Variants in RCAN1 observed in about 807,000 individuals in gnomAD.
The protein encoded by RCAN1 is calcipressin-1.
Under a neutral mutation model 22.9 loss-of-function variants are expected in RCAN1, and 11 were observed. The observed-to-expected ratio is 0.48, with a 90% CI of 0.30 to 0.79. RCAN1 has a LOEUF of 0.79. RCAN1 is among the 30% of genes least tolerant of loss of function. The pLI, the probability that RCAN1 is intolerant of heterozygous loss-of-function variation, is 0.06. For missense variants in RCAN1, 291 were observed against 337.8 expected (o/e 0.86, Z 1.09); for synonymous variants, 136 against 142.3 (o/e 0.96, Z 0.32).
At chr21:34,594,677 T>G (rs1458615609) in intron 1 of RCAN1, among the ~76,000 whole-genome samples, 1 of 152,150 alleles carries the variant, frequency 6.6e-6, no homozygotes, top group Non-Finnish European at 1.5e-5. Flanking sequence ...TAAGGCACAG[T>G]CCAGGTGCTC....
intron 1 of RCAN1, among the ~76,000 whole-genome samples, chr21:34,532,465 G>T (rs1161888869): frequency 6.6e-6 from 1 of 152,230 alleles, no homozygotes; most frequent in Non-Finnish European, 1.5e-5. Flanking sequence ...GACCACCTAT[G>T]TGATGACACC....
At chr21:34,563,770 A>AATAT (rs1199194939) in intron 1 of RCAN1, among the ~76,000 whole-genome samples, 18 of 65,436 alleles carry the variant, frequency 2.8e-4, no homozygotes, top group African/African-American at 4.8e-4. Flanking sequence ...AAAAAAAAAA[A>AATAT]ATATATATAT....
chr21:34,612,278 G>C (rs1328049031), intron 1 of RCAN1, among the ~76,000 whole-genome samples: 3 of 152,106 alleles, frequency 2.0e-5, no homozygotes, highest in Non-Finnish European at 4.4e-5. Context: ...ATGTTTTCTG[G>C]TTGCTTATCC....
chr21:34,548,403 C>G (rs1202944935), intron 1 of RCAN1, among the ~76,000 whole-genome samples: 1 of 152,026 alleles, frequency 6.6e-6, no homozygotes, highest in Non-Finnish European at 1.5e-5. Context: ...AATCAGTTTT[C>G]CTAATAAAAT....
chr21:34,547,585 C>T (rs4817677), intron 1 of RCAN1, among the ~76,000 whole-genome samples: 2,679 of 152,216 alleles, frequency 0.018, 79 homozygotes, highest in African/African-American at 0.062. Flanking sequence ...AACTTAATTG[C>T]CATTTTAACA....
chr21:34,543,366 A>C (rs1986001329), intron 1 of RCAN1, among the ~76,000 whole-genome samples: 1 of 152,180 alleles, frequency 6.6e-6, no homozygotes, highest in Non-Finnish European at 1.5e-5. Context: ...GGATGATGGA[A>C]GCAGAGATTC....
chr21:34,549,373 T>C (rs532201749), intron 1 of RCAN1, among the ~76,000 whole-genome samples: 2 of 152,236 alleles, frequency 1.3e-5, no homozygotes, highest in Non-Finnish European at 2.9e-5. Context: ...ACTTCTTTTA[T>C]AGCAACGTTC....
chr21:34,566,751 C>T (rs75954028), intron 1 of RCAN1, among the ~76,000 whole-genome samples: 2,687 of 152,208 alleles, frequency 0.018, 76 homozygotes, highest in African/African-American at 0.062. Flanking sequence ...CAGCTCTGCT[C>T]GGCTTCTGGT....
chr21:34,581,142 G>C (rs1303733324), intron 1 of RCAN1, among the ~76,000 whole-genome samples: 1 of 151,228 alleles, frequency 6.6e-6, no homozygotes, highest in Non-Finnish European at 1.5e-5. Context: ...AGACTGGAAA[G>C]TCTAAATAAC....
chr21:34,532,884 C>T (rs1386965803), intron 1 of RCAN1, among the ~76,000 whole-genome samples: 1 of 152,212 alleles, frequency 6.6e-6, no homozygotes, highest in African/African-American at 2.4e-5. Flanking sequence ...CAACCCCCCA[C>T]TGCCCACCTT....
Position 34,521,513 on chromosome 21 carries a change from G to A in RCAN1, c.572C>T (p.Ser191Phe), listed in dbSNP as rs1175212732. The change falls in exon 3 of 4, where the codon TCC becomes TTC. Residue 191 changes from serine (S) to phenylalanine (F), a missense_variant. Ser to Phe is a radical substitution (Grantham distance 155, BLOSUM62 -2). Transcript: ENST00000313806. ...VINYDLLYAI[S>F]KLGPGEKYEL... ...GCCCTGCTCACCTGGCCCCAGCTTG[G>A]AGATGGCATATAAGAGATCATAGTT... 6.2e-7 allele frequency: 1 copy of A among 1,614,198 alleles called. No individual in the cohort carries two copies. The highest frequency in any genetic ancestry group is 8.5e-7 in the Non-Finnish European group (1 of 1,180,040).
chr21:34,597,205 T>C (rs566579230), intron 1 of RCAN1, among the ~76,000 whole-genome samples: 8 of 152,232 alleles, frequency 5.3e-5, no homozygotes, highest in African/African-American at 1.9e-4. Flanking sequence ...TCAATGAAAA[T>C]TAGCAAAAGT....
intron 1 of RCAN1, among the ~76,000 whole-genome samples, chr21:34,545,654 T>C (rs1986104202): frequency 6.6e-6 from 1 of 152,186 alleles, no homozygotes; most frequent in Non-Finnish European, 1.5e-5. Flanking sequence ...AGGAAACAGC[T>C]TCTCCTTGCA....
At chr21:34,588,694 A>G (rs546714234) in intron 1 of RCAN1, among the ~76,000 whole-genome samples, 9 of 152,264 alleles carry the variant, frequency 5.9e-5, no homozygotes, top group Admixed American at 2.0e-4. Flanking sequence ...TGTATCTAAA[A>G]GAATTGAAAG....
At chr21:34,543,795 G>C (rs1986017158) in intron 1 of RCAN1, among the ~76,000 whole-genome samples, 1 of 152,186 alleles carries the variant, frequency 6.6e-6, no homozygotes, top group South Asian at 2.1e-4. Flanking sequence ...TTGGGTGTCA[G>C]ATGGGCCTGG....
At chr21:34,527,338 C>T (rs1286355749) in intron 1 of RCAN1, among the ~76,000 whole-genome samples, 1 of 152,032 alleles carries the variant, frequency 6.6e-6, no homozygotes, top group African/African-American at 2.4e-5. Flanking sequence ...ATCAAAGTTT[C>T]ACTTTGGGGT....
chr21:34,541,501 A>C (rs1387123921), intron 1 of RCAN1, among the ~76,000 whole-genome samples: 1 of 152,252 alleles, frequency 6.6e-6, no homozygotes, highest in Non-Finnish European at 1.5e-5. Flanking sequence ...TTATTAAAGG[A>C]CATATATACT....
intron 1 of RCAN1, among the ~76,000 whole-genome samples, chr21:34,528,583 T>C (rs1333570066): frequency 6.6e-6 from 1 of 152,194 alleles, no homozygotes; most frequent in Non-Finnish European, 1.5e-5. Flanking sequence ...AGCAGGCACA[T>C]GAAGATTGTG....
chr21:34,523,174 G>A (rs1984721447), intron 2 of RCAN1: 1 of 218,550 alleles, frequency 4.6e-6, no homozygotes, highest in Non-Finnish European at 9.2e-6. Flanking sequence ...GTCTAGAGTG[G>A]GTCATGAGCT....
Sources: allele counts gnomAD v4.1 joint callset (sites outside exome capture counted in the v4.1 genomes callset), GRCh38; gene constraint gnomAD v4.1.1; transcripts MANE v1.5; gene names NCBI Gene and HGNC (gene_info 2026-07-23, HGNC 2026-07-21).